LYZL1: variants seen among roughly 807,000 people sequenced by gnomAD.
LYZL1 encodes the protein lysozyme like 1, also known as lysozyme-like protein 1.
Under a neutral mutation model 17.9 loss-of-function variants are expected in LYZL1, and 16 were observed. The observed-to-expected ratio is 0.90, with a 90% CI of 0.61 to 1.36. The LOEUF (loss-of-function observed/expected upper bound fraction) is 1.36. Among genes scored for constraint, LYZL1 ranks in the 40% most tolerant of loss-of-function variants. The probability of loss-of-function intolerance (pLI) is 0.00; values close to 1 mark genes in which losing one functional copy is unlikely to be tolerated. For synonymous variants in LYZL1, 58 were observed against 71.8 expected (o/e 0.81, Z 0.97); for missense variants, 149 against 188.4 (o/e 0.79, Z 1.22).
chr10:29,308,248 G>A (rs186841758), intron 3 of LYZL1, among the ~76,000 whole-genome samples: 1 of 152,314 alleles, frequency 6.6e-6, no homozygotes, highest in East Asian at 1.9e-4. Flanking sequence ...GTTCCCTTCC[G>A]GGGTGACCCA....
Position 29,292,558 on chromosome 10 carries a change from C to T in LYZL1, c.179C>T (p.Thr60Ile), listed in dbSNP as rs765113346. The T allele has an allele frequency of 1.2e-6, 2 of 1,614,126 alleles. No individual in the cohort carries two copies. The highest frequency in any genetic ancestry group is 2.2e-5 in the East Asian group (1 of 44,894). Residue 60 changes from threonine to isoleucine, a missense_variant, in exon 3 of 5, where the codon ACA becomes ATA. Around this residue, in one of 2 missense-constraint regions of LYZL1, gnomAD observed 130 missense variants for 132.5 expected, o/e 0.98. Transcript: ENST00000649382. ...TATTATGAGAGCGGCTACAACACCA[C>T]AGCCCAGACGGTCCTGGATGACGGC... Reference protein sequence around the residue: ...MAYYESGYNTTAQTVLDDGSI... With the variant: ...MAYYESGYNTIAQTVLDDGSI...
chr10:29,312,127 C>T (rs574965594), downstream of LYZL1, among the ~76,000 whole-genome samples: 1 of 152,282 alleles, frequency 6.6e-6, no homozygotes, highest in East Asian at 1.9e-4. Context: ...TAGCAAGACC[C>T]TGTCTCTACA....
rs866671628 is a variant in LYZL1 at position 29,292,381 on chromosome 10, G to A, written c.140-138G>A. ...TGTGCCCCTCGTGTGCCCCCTGGGC[G>A]CATGCCCGCCCTGCCCTGCCCAAGG... On this transcript the variant is annotated intron_variant, in intron 2 of 4. Coordinates refer to ENST00000649382, the MANE Select transcript of LYZL1 (RefSeq NM_032517.6). The A allele has an allele frequency of 1.7e-4, 226 of 1,345,600 alleles. No individual in the cohort carries two copies. In the Middle Eastern group the frequency reaches 2.7e-3, roughly 16 times the overall value. The allele number at this position is 1,345,600 out of a possible 1,614,324, so 83.4% of individuals were successfully genotyped here.
intron 3 of LYZL1, among the ~76,000 whole-genome samples, chr10:29,295,379 A>G (rs1182483306): frequency 6.6e-6 from 1 of 152,210 alleles, no homozygotes; most frequent in Non-Finnish European, 1.5e-5. Flanking sequence ...TTATCTTCTG[A>G]GCTAAAACAT....
intron 3 of LYZL1, among the ~76,000 whole-genome samples, chr10:29,296,278 T>C (rs1376324390): frequency 6.6e-6 from 1 of 152,198 alleles, no homozygotes; most frequent in Non-Finnish European, 1.5e-5. Flanking sequence ...AAGTGGTGAC[T>C]AACTTAGTGA....
At position 29,292,507 on chromosome 10, in the gene LYZL1, T is replaced by G. The variant is rs1564388733; in HGVS notation, c.140-12T>G. The G allele has an allele frequency of 5.0e-6, 8 of 1,610,980 alleles. No homozygotes were observed. The highest frequency in any genetic ancestry group is 6.8e-6 in the Non-Finnish European group (8 of 1,178,802). On this transcript the variant is annotated splice_polypyrimidine_tract_variant and intron_variant, in intron 2 of 4. Transcript: ENST00000649382. ...CTTCCTTTGCTGGCGTTTCTGGCTT[T>G]CCCCCCTCCAGGGATCTGCATGGCA... is the stretch of plus-strand genomic sequence containing the variant.
At chr10:29,301,982 T>C (rs887537397) in intron 3 of LYZL1, among the ~76,000 whole-genome samples, 2 of 152,204 alleles carry the variant, frequency 1.3e-5, no homozygotes, top group African/African-American at 2.4e-5. Flanking sequence ...ATTTTTTATT[T>C]GGTGTTAGGC....
In LYZL1 at chr10:29,310,952, G is replaced by A. The variant is rs190906740; in HGVS notation, c.378-38G>A. On this transcript the variant is annotated intron_variant, in intron 4 of 4. Transcript: ENST00000649382. Reference sequence around the variant, plus strand: ...AAACTAAGACGGTTTGGATTGTCACGCTTCTTTCTGCTGCTCCTGCTTCCC... The same window carrying A: ...AAACTAAGACGGTTTGGATTGTCACACTTCTTTCTGCTGCTCCTGCTTCCC... 2.8e-3 allele frequency: 4,506 copies of A among 1,614,074 alleles called. 15 individuals are homozygous for A. The highest frequency in any genetic ancestry group is 0.014 in the African/African-American group (1,048 of 75,040).
intron 1 of LYZL1, among the ~76,000 whole-genome samples, chr10:29,289,727 G>T (rs959848913): frequency 2.6e-5 from 4 of 152,132 alleles, no homozygotes; most frequent in African/African-American, 9.7e-5. Flanking sequence ...CCTTAGCTCT[G>T]CATCTTAAAC....
chr10:29,290,997 G>A (rs539003863), intron 1 of LYZL1, among the ~76,000 whole-genome samples: 7 of 152,234 alleles, frequency 4.6e-5, no homozygotes, highest in Non-Finnish European at 8.8e-5. Flanking sequence ...ACAGGCCCAC[G>A]TGTCTTTCAT....
intron 3 of LYZL1, among the ~76,000 whole-genome samples, chr10:29,293,299 G>A (rs1835402601): frequency 6.6e-6 from 1 of 151,678 alleles, no homozygotes; most frequent in South Asian, 2.1e-4. Context: ...TAATTTTTTT[G>A]TAGAGACAGA....
chr10:29,290,435 T>A (rs1751948), intron 1 of LYZL1, among the ~76,000 whole-genome samples: 147,744 of 152,210 alleles, frequency 0.97, 71,796 homozygotes, highest in East Asian at 1. Flanking sequence ...TTCATGAGGC[T>A]TTGTCCTCCA....
intron 3 of LYZL1, among the ~76,000 whole-genome samples, chr10:29,303,094 T>G (rs1005940415): frequency 2.6e-5 from 4 of 152,310 alleles, no homozygotes; most frequent in Admixed American, 2.6e-4. Context: ...CCCTGTTCCC[T>G]GGGGTAGTTC....
downstream of LYZL1, among the ~76,000 whole-genome samples, chr10:29,312,012 AC>A (rs1835678821): frequency 6.6e-6 from 1 of 151,886 alleles, no homozygotes; most frequent in African/African-American, 2.4e-5. Flanking sequence ...AAAAAATAAG[AC>A]CCCTGGCCAG....
At chr10:29,318,199 G>C (rs1343019494) in exon 5 of LYZL1, 1 of 985,252 alleles carries the variant, frequency 1.0e-6, no homozygotes, top group Non-Finnish European at 1.2e-6. Flanking sequence ...GTTAAACTCA[G>C]CTAGATTTCC....
chr10:29,296,081 C>T (rs1256879597), intron 3 of LYZL1, among the ~76,000 whole-genome samples: 3 of 152,170 alleles, frequency 2.0e-5, no homozygotes, highest in African/African-American at 2.4e-5. Flanking sequence ...GTTCAAGCCA[C>T]AATGTTTGTG....
At chr10:29,293,090 C>T (rs1173334832) in intron 3 of LYZL1, among the ~76,000 whole-genome samples, 1 of 150,310 alleles carries the variant, frequency 6.7e-6, no homozygotes, top group East Asian at 1.9e-4. Context: ...CTTTTCTTTT[C>T]CCTTTTTCTT....
chr10:29,315,830 CAG>C (rs35986408), downstream of LYZL1, among the ~76,000 whole-genome samples: 7,725 of 148,366 alleles, frequency 0.052, 287 homozygotes, highest in Non-Finnish European at 0.078. Context: ...GTCTGGGCAA[CAG>C]AGTGAAACAC....
At chr10:29,313,393 T>C (rs1023155343), downstream of LYZL1, among the ~76,000 whole-genome samples, 1 of 152,208 alleles carries the variant, frequency 6.6e-6, no homozygotes, top group Non-Finnish European at 1.5e-5. Context: ...AATTTCTGCT[T>C]CATTAAAACC....
Sources: allele counts gnomAD v4.1 joint callset (sites outside exome capture counted in the v4.1 genomes callset), GRCh38; gene constraint gnomAD v4.1.1; regional missense constraint gnomAD v4.1.1; transcripts MANE v1.5; gene names NCBI Gene and HGNC (gene_info 2026-07-23, HGNC 2026-07-21).